The following ITGA9 variants were observed in gnomAD, a reference collection of about 807,000 sequenced individuals.
ITGA9 encodes the protein integrin subunit alpha 9.
ITGA9 carries 56 observed loss-of-function variants against 127.8 expected under a neutral mutation model. That is an observed-to-expected ratio of 0.44 (90% CI 0.35 to 0.55). ITGA9 has a LOEUF of 0.55. Ranked by LOEUF, ITGA9 falls within the 20% of genes least tolerant of loss-of-function variation. The pLI is 0.00. For missense variants in ITGA9, 1,196 were observed against 1,347.1 expected (o/e 0.89, Z 1.76); for synonymous variants, 508 against 514.5 (o/e 0.99, Z 0.17).
chr3:37,779,664 A>G (rs1266951365), intron 24 of ITGA9, among the ~76,000 whole-genome samples: 6 of 152,212 alleles, frequency 3.9e-5, no homozygotes, highest in Non-Finnish European at 7.3e-5. Flanking sequence ...GGTAGGATAA[A>G]TTAGTGAGCT....
intron 15 of ITGA9, among the ~76,000 whole-genome samples, chr3:37,561,440 G>A (rs1433204934): frequency 6.6e-6 from 1 of 152,160 alleles, no homozygotes; most frequent in Non-Finnish European, 1.5e-5. Context: ...TAAAACATAT[G>A]CAGTTCCTGA....
chr3:37,473,674 T>C (rs963438051), intron 3 of ITGA9, among the ~76,000 whole-genome samples: 3 of 152,186 alleles, frequency 2.0e-5, no homozygotes, highest in African/African-American at 7.2e-5. Flanking sequence ...TATTGAAAAA[T>C]AAAACATATG....
At chr3:37,475,950 C>T (rs546499679) in intron 3 of ITGA9, among the ~76,000 whole-genome samples, 282 of 152,270 alleles carry the variant, frequency 1.9e-3, no homozygotes, top group African/African-American at 6.5e-3. Flanking sequence ...GTGTGGTGTT[C>T]GTCCTTTTGT....
intron 3 of ITGA9, among the ~76,000 whole-genome samples, chr3:37,476,490 C>A (rs1698495929): frequency 6.6e-6 from 1 of 151,778 alleles, no homozygotes; most frequent in African/African-American, 2.4e-5. Flanking sequence ...CATTTTATAT[C>A]TTTTTTGGAG....
chr3:37,641,405 C>A (rs1559556152), intron 16 of ITGA9, among the ~76,000 whole-genome samples: 1 of 152,138 alleles, frequency 6.6e-6, no homozygotes, highest in African/African-American at 2.4e-5. Flanking sequence ...CTCAGATGAA[C>A]CTCTCTGGAT....
At chr3:37,624,272 T>C (rs567328019) in intron 15 of ITGA9, among the ~76,000 whole-genome samples, 1 of 139,800 alleles carries the variant, frequency 7.2e-6, no homozygotes, top group Admixed American at 7.8e-5. Context: ...GGTGGCCAGT[T>C]AGGGGTGCCA....
intron 15 of ITGA9, among the ~76,000 whole-genome samples, chr3:37,578,603 G>A (rs1427288158): frequency 6.6e-6 from 1 of 152,078 alleles, no homozygotes; most frequent in African/African-American, 2.4e-5. Context: ...CTACTAACTG[G>A]GCAAGAGAGA....
intron 17 of ITGA9, among the ~76,000 whole-genome samples, chr3:37,661,349 C>A (rs969154699): frequency 1.3e-5 from 2 of 152,178 alleles, no homozygotes; most frequent in African/African-American, 4.8e-5. Flanking sequence ...TCTCAGAGGA[C>A]CCCTGGCCTC....
At position 37,751,185 on chromosome 3, in the gene ITGA9, T is replaced by C. The variant is rs1575221077; in HGVS notation, c.2541+616T>C. ...AAACCAGACGCATGTGAATGTTGAATGTAGAACAGGTCACTCCTCCCGAGA... is the reference window on the plus strand; with the variant it reads ...AAACCAGACGCATGTGAATGTTGAACGTAGAACAGGTCACTCCTCCCGAGA... On this transcript the variant is annotated intron_variant, in intron 23 of 27. Transcript: ENST00000264741. Among the ~76,000 whole-genome samples the C allele has an allele frequency of 2.0e-5, 3 of 152,368 alleles. No homozygotes were observed. In the South Asian group the frequency reaches 6.2e-4, roughly 32 times the overall value.
chr3:37,478,072 C>G (rs17227404), intron 3 of ITGA9, among the ~76,000 whole-genome samples: 1 of 152,050 alleles, frequency 6.6e-6, no homozygotes, highest in African/African-American at 2.4e-5. Flanking sequence ...ATTAGGTGAA[C>G]GTCCTCAGAA....
intron 18 of ITGA9, among the ~76,000 whole-genome samples, chr3:37,697,299 C>A (rs973263059): frequency 3.6e-5 from 5 of 139,372 alleles, no homozygotes; most frequent in Non-Finnish European, 6.1e-5. Flanking sequence ...CAAATAACGA[C>A]TACTTCTGTT....
At chr3:37,795,494 G>A (rs183828321) in intron 26 of ITGA9, among the ~76,000 whole-genome samples, 7 of 152,320 alleles carry the variant, frequency 4.6e-5, no homozygotes, top group African/African-American at 1.4e-4. Flanking sequence ...CCTCAGGTAC[G>A]TTAAATTCTA....
intron 18 of ITGA9, among the ~76,000 whole-genome samples, chr3:37,687,796 G>T (rs1347055626): frequency 2.6e-5 from 4 of 152,182 alleles, no homozygotes; most frequent in Non-Finnish European, 5.9e-5. Flanking sequence ...ACCTCTTCCA[G>T]TTTGGATTTC....
At chr3:37,518,862 G>A (rs1256113714) in intron 10 of ITGA9, among the ~76,000 whole-genome samples, 1 of 125,860 alleles carries the variant, frequency 7.9e-6, no homozygotes, top group Admixed American at 1.1e-4. Context: ...TCAGCTCACT[G>A]CAACCTCCGC....
intron 15 of ITGA9, among the ~76,000 whole-genome samples, chr3:37,611,356 G>T (rs1161075894): frequency 1.3e-5 from 2 of 152,158 alleles, no homozygotes; most frequent in Non-Finnish European, 2.9e-5. Flanking sequence ...AGTGGGGACA[G>T]GAGGAGCAAG....
chr3:37,723,392 G>A (rs1205925258), intron 18 of ITGA9, among the ~76,000 whole-genome samples: 6 of 151,810 alleles, frequency 4.0e-5, no homozygotes, highest in African/African-American at 7.3e-5. Flanking sequence ...GCAGAGTCTC[G>A]ATGTGTCACC....
chr3:37,782,975 TA>T lies in ITGA9; in HGVS notation c.2788-1996del, dbSNP rs374212821. ...CAACATGGTGAAACCCCATCTCTAC[TA>T]AAAAATACAAAAATTAGCCTGGCAT... On this transcript the variant is annotated intron_variant, in intron 25 of 27. Transcript: ENST00000264741. Among the ~76,000 whole-genome samples the T allele has an allele frequency of 1.7e-3, 252 of 152,120 alleles. 2 individuals are homozygous for T. The highest frequency in any genetic ancestry group is 5.1e-3 in the African/African-American group (213 of 41,506).
intron 15 of ITGA9, among the ~76,000 whole-genome samples, chr3:37,585,217 G>C (rs1466374896): frequency 6.6e-6 from 1 of 152,066 alleles, no homozygotes. Context: ...AATTCTTTTT[G>C]TCTCCCTGGT....
chr3:37,487,511 T>A (rs937718841), intron 4 of ITGA9, among the ~76,000 whole-genome samples: 3 of 152,220 alleles, frequency 2.0e-5, no homozygotes, highest in Non-Finnish European at 4.4e-5. Flanking sequence ...CTGCATCTTT[T>A]GTTTCTCTCA....
Sources: allele counts gnomAD v4.1 joint callset (sites outside exome capture counted in the v4.1 genomes callset), GRCh38; gene constraint gnomAD v4.1.1; transcripts MANE v1.5; gene names NCBI Gene and HGNC (gene_info 2026-07-23, HGNC 2026-07-21).